Variants in UBE2V1 observed in about 807,000 individuals in gnomAD.
UBE2V1 encodes the protein ubiquitin-conjugating enzyme E2 variant 1.
UBE2V1 carries 15 observed loss-of-function variants against 19.6 expected under a neutral mutation model. The ratio of observed to expected loss-of-function variants is 0.77; its 90% CI spans 0.51 to 1.18. The LOEUF is 1.18. Ranked by LOEUF, UBE2V1 falls within the 50% of genes most tolerant of loss-of-function variation. The pLI is 0.00. For synonymous variants in UBE2V1, 60 were observed against 60.7 expected (o/e 0.99, Z 0.05); for missense variants, 125 against 184.8 (o/e 0.68, Z 1.88).
intron 2 of UBE2V1, among the ~76,000 whole-genome samples, chr20:50,089,813 T>C (rs2079120198): frequency 6.6e-6 from 1 of 152,228 alleles, no homozygotes; most frequent in African/African-American, 2.4e-5. Flanking sequence ...AAGGACTGAA[T>C]GGTCAAATTA....
intron 2 of UBE2V1, among the ~76,000 whole-genome samples, chr20:50,087,459 T>G (rs2078988049): frequency 6.6e-6 from 1 of 152,018 alleles, no homozygotes; most frequent in Non-Finnish European, 1.5e-5. Flanking sequence ...GTTTCTGGTT[T>G]TTTTATTTTG....
Position 50,082,539 on chromosome 20 carries a change from T to C in UBE2V1, c.*229A>G, listed in dbSNP as rs1474636788. ...CCCAGAAGTTCAACTACGTGGACAG[T>C]GGTTACACTTGACAGGATGATTTGT... On this transcript the variant is annotated 3_prime_UTR_variant, in exon 4 of 4. Transcript: ENST00000371674. 5.7e-6 allele frequency: 4 copies of C among 702,038 alleles called. No homozygotes were observed. In the East Asian group the frequency reaches 1.3e-4, roughly 24 times the overall value. The allele number at this position is 702,038 out of a possible 1,614,324, so 43.5% of individuals were successfully genotyped here.
chr20:50,101,570 GC>G (rs1288575451), intron 1 of UBE2V1, among the ~76,000 whole-genome samples: 9 of 13,048 alleles, frequency 6.9e-4, no homozygotes, highest in African/African-American at 2.7e-3. Flanking sequence ...ACATTTATAA[GC>G]AAAAAAAAAA....
chr20:50,092,232 G>C (rs1008578446), intron 2 of UBE2V1, among the ~76,000 whole-genome samples: 4 of 152,178 alleles, frequency 2.6e-5, no homozygotes, highest in African/African-American at 2.4e-5. Context: ...TGAGGCAGGA[G>C]AATCGCTTGA....
At chr20:50,093,987 C>CAAAAAAAAAAA (rs60174191) in intron 2 of UBE2V1, among the ~76,000 whole-genome samples, 7 of 56,282 alleles carry the variant, frequency 1.2e-4, no homozygotes, top group Admixed American at 2.9e-4. Flanking sequence ...GACTCCAACT[C>CAAAAAAAAAAA]AAAAAAAAAA....
rs149148692 is a variant in UBE2V1, at chr20:50,088,947, G to A, written c.172-4693C>T. Among the ~76,000 whole-genome samples the A allele has an allele frequency of 8.1e-3, 1,231 of 152,248 alleles. 20 individuals carry two copies. The highest frequency in any genetic ancestry group is 0.028 in the African/African-American group (1,152 of 41,548). Reference sequence around the variant, plus strand: ...TCTTACATAGTTATATACAAATTACGTTTAATGTACAATGTGGGTACATGC... The same window carrying A: ...TCTTACATAGTTATATACAAATTACATTTAATGTACAATGTGGGTACATGC... On this transcript the variant is annotated intron_variant, in intron 2 of 3. Transcript: ENST00000371674.
chr20:50,109,594 C>CA (rs1323027309), intron 1 of UBE2V1, among the ~76,000 whole-genome samples: 1 of 151,878 alleles, frequency 6.6e-6, no homozygotes, highest in Non-Finnish European at 1.5e-5. Context: ...ACTAAAAATA[C>CA]AAAAATTAGC....
rs113069041 is a variant in UBE2V1 at position 50,106,887 on chromosome 20, AC to A, written c.22+6219del. 6.5e-4 allele frequency among the ~76,000 whole-genome samples: 97 copies of A among 149,944 alleles called. 1 individual carries two copies. Among genetic ancestry groups the A allele is most frequent in the African/African-American group, 1.4e-3 (54 of 39,892 alleles). On this transcript the variant is annotated intron_variant, in intron 1 of 3. Transcript: ENST00000371674. ...CAACAACAACAACAAAAAAAAAAAA[AC>A]AAAAAAAAGGTAGAACCTCAGAGGT...
chr20:50,087,809 A>G (rs1371979571), intron 2 of UBE2V1, among the ~76,000 whole-genome samples: 1 of 152,192 alleles, frequency 6.6e-6, no homozygotes, highest in Non-Finnish European at 1.5e-5. Flanking sequence ...CTATATGAAC[A>G]TGGCATATTC....
At chr20:50,098,808 GT>G (rs1376420201) in intron 1 of UBE2V1, 2 of 545,434 alleles carry the variant, frequency 3.7e-6, no homozygotes, top group African/African-American at 4.1e-5. Context: ...AAAAGAGTCA[GT>G]TGATTACAAG....
chr20:50,108,583 C>T (rs554391043), intron 1 of UBE2V1, among the ~76,000 whole-genome samples: 2 of 152,300 alleles, frequency 1.3e-5, no homozygotes, highest in African/African-American at 2.4e-5. Flanking sequence ...CCTTCACAAT[C>T]GATACCTGCC....
chr20:50,084,464 T>C, intron 2 of UBE2V1: 1 of 853,368 alleles, frequency 1.2e-6, no homozygotes, highest in Middle Eastern at 2.2e-4. Context: ...ACAAAGAAGA[T>C]GGAGCATTTA....
intron 1 of UBE2V1, chr20:50,108,882 G>A (rs1375021854): frequency 2.1e-6 from 2 of 961,662 alleles, no homozygotes; most frequent in Non-Finnish European, 2.5e-6. Flanking sequence ...TTCCTGAAAC[G>A]GGTAGCAGTA....
chr20:50,096,468 C>T, intron 2 of UBE2V1: 1 of 1,346,560 alleles, frequency 7.4e-7, no homozygotes, highest in South Asian at 1.3e-5. Flanking sequence ...TGAGTCTAAA[C>T]AGGTTTTTGC....
chr20:50,081,632 G>A lies in UBE2V1; in HGVS notation c.*1136C>T, dbSNP rs1455399165. 6.1e-6 allele frequency: 1 copy of A among 164,260 alleles called. No homozygotes were observed. The highest frequency in any genetic ancestry group is 1.3e-5 in the Non-Finnish European group (1 of 75,872). The allele number at this position is 164,260 out of a possible 1,614,324, so 10.2% of individuals were successfully genotyped here. A position where few individuals can be genotyped will look rare whatever the true frequency, so the allele number is the denominator to read the frequency against. On this transcript the variant is annotated 3_prime_UTR_variant, in exon 4 of 4. Transcript: ENST00000371674. ...CAAACTAGACCCCAATGGATTGCAA[G>A]GATGACCAAATGAAAGCCCTGTTTA...
intron 2 of UBE2V1, chr20:50,096,186 G>C (rs962300935): frequency 5.9e-6 from 1 of 168,782 alleles, no homozygotes; most frequent in Non-Finnish European, 1.3e-5. Context: ...GTCTAGTAGT[G>C]CCTGGAATAG....
upstream of UBE2V1, chr20:50,115,143 C>G: frequency 4.8e-6 from 1 of 206,716 alleles, no homozygotes; most frequent in Non-Finnish European, 9.6e-6. Flanking sequence ...GCCTCTGAGA[C>G]TTTCTGTACC....
In UBE2V1 at chr20:50,089,354, G is replaced by T. The variant is rs192876883; in HGVS notation, c.172-5100C>A. 2.2e-3 allele frequency among the ~76,000 whole-genome samples: 332 copies of T among 152,288 alleles called. 9 individuals are homozygous for T. The highest frequency in any genetic ancestry group is 0.02 in the Admixed American group (309 of 15,292). On this transcript the variant is annotated intron_variant, in intron 2 of 3. Transcript: ENST00000371674. Reference sequence around the variant, plus strand: ...CGGGATGTGATGAGGCTGGTTTTGTGAATGTCCCCAGAAAGCTGGAGGTTG... The same window carrying T: ...CGGGATGTGATGAGGCTGGTTTTGTTAATGTCCCCAGAAAGCTGGAGGTTG...
Position 50,102,275 on chromosome 20 carries a change from CA to C in UBE2V1, c.23-5456del, listed in dbSNP as rs1184483472. Among the ~76,000 whole-genome samples the C allele has an allele frequency of 9.2e-4, 140 of 152,170 alleles. 1 individual carries two copies. Among genetic ancestry groups the C allele is most frequent in the Non-Finnish European group, 1.9e-4 (13 of 67,960 alleles). On this transcript the variant is annotated intron_variant, in intron 1 of 3. Transcript: ENST00000371674. ...TTCAAAAAACAACAACAACAAAAAA[CA>C]AAAAAACTGGCCTGTACCCAGTACT...
Sources: allele counts gnomAD v4.1 joint callset (sites outside exome capture counted in the v4.1 genomes callset), GRCh38; gene constraint gnomAD v4.1.1; transcripts MANE v1.5; gene names NCBI Gene and HGNC (gene_info 2026-07-23, HGNC 2026-07-21).